MACF1: variants seen among roughly 807,000 people sequenced by gnomAD.
MACF1 encodes the protein microtubule-actin cross-linking factor 1.
In MACF1, 193 loss-of-function variants were observed where a neutral mutation model predicts 854.8. The observed-to-expected ratio is 0.23, with a 90% CI of 0.20 to 0.25. MACF1 has a LOEUF of 0.25. MACF1 is among the 10% of genes least tolerant of loss of function. The probability of loss-of-function intolerance (pLI) is 1.00; values close to 1 mark genes in which losing one functional copy is unlikely to be tolerated. For missense variants in MACF1, 7,722 were observed against 8,929.1 expected, an observed-to-expected ratio of 0.86 and a Z score of 5.45; for synonymous variants, 3,185 against 3,226.7, an observed-to-expected ratio of 0.99 and a Z score of 0.44.
chr1:39,361,451 C>T lies in MACF1; in HGVS notation c.12545C>T (p.Thr4182Ile). Residue 4182 changes from threonine to isoleucine, a missense_variant, in exon 49 of 101, where the codon ACA (threonine) becomes ATA (isoleucine). By Grantham distance (89) the Thr-to-Ile change is moderately conservative (BLOSUM62 -1). Transcript: ENST00000564288. ...TRFMETADST[T>I]AAVLQGKLAE... ...TTCATGGAGACAGCAGACAGTACTA[C>T]AGCAGCAGTGCTGCAGGGCAAACTG... is the stretch of plus-strand genomic sequence containing the variant. The T allele has an allele frequency of 3.7e-6, 6 of 1,614,196 alleles. No individual in the cohort carries two copies. The highest frequency in any genetic ancestry group is 5.1e-6 in the Non-Finnish European group (6 of 1,180,036).
chr1:39,324,047 T>A (rs1646564694), intron 33 of MACF1, 146 bp from the exon 34 acceptor site: 1 of 785,086 alleles, frequency 1.3e-6, no homozygotes, highest in African/African-American at 1.8e-5. Flanking sequence ...TAGGCTGGGC[T>A]AAATTATACT....
chr1:39,370,300 C>T lies in MACF1; in HGVS notation c.13095+114C>T. On this transcript the variant is annotated intron_variant, in intron 51 of 100. Transcript: ENST00000564288. ...ATGAGAAATCCAAGTTGTCAGTCTGCATCAGAACAGAAATTCCTACGTTTT... is the reference window on the plus strand; with the variant it reads ...ATGAGAAATCCAAGTTGTCAGTCTGTATCAGAACAGAAATTCCTACGTTTT... 3.1e-6 allele frequency: 3 copies of T among 962,574 alleles called. No individual in the cohort carries two copies. The South Asian group carries it at 5.8e-5, about 19-fold the overall frequency. 59.6% of individuals were successfully genotyped at this position (962,574 alleles called of 1,614,324 possible).
intron 58 of MACF1, among the ~76,000 whole-genome samples, chr1:39,406,019 G>A (rs1283307767): frequency 6.6e-6 from 1 of 152,062 alleles, no homozygotes; most frequent in Non-Finnish European, 1.5e-5. Flanking sequence ...TAAAAATTAA[G>A]ACATGGAGGA....
chr1:39,389,429 G>A (rs1641945951), intron 58 of MACF1, among the ~76,000 whole-genome samples: 1 of 135,354 alleles, frequency 7.4e-6, no homozygotes, highest in African/African-American at 2.8e-5. Flanking sequence ...GGGCGATCTA[G>A]GCTCACTGAA....
At chr1:39,444,436 AC>A (rs1375494010) in intron 79 of MACF1, among the ~76,000 whole-genome samples, 2 of 152,232 alleles carry the variant, frequency 1.3e-5, no homozygotes, top group Non-Finnish European at 2.9e-5. Flanking sequence ...ACATTTTAAT[AC>A]AAATGAATTC....
At chr1:39,347,285 CTG>C (rs376974716) in intron 41 of MACF1, 75 bp downstream of exon 41, 16 of 1,118,914 alleles carry the variant, frequency 1.4e-5, no homozygotes, top group Middle Eastern at 2.8e-4. Flanking sequence ...TGGCCAGACT[CTG>C]TGTATCATGA....
In MACF1 at chr1:39,106,885, G is replaced by T. The variant is rs191506265; in HGVS notation, c.220+22447G>T. Among the ~76,000 whole-genome samples, 22 of 143,634 alleles carry T rather than the reference G, an allele frequency of 1.5e-4. 2 individuals carry two copies. In the East Asian group the frequency reaches 3.1e-3, roughly 20 times the overall value. The allele number at this position is 143,634 out of a possible 152,430, so 94.2% of individuals were successfully genotyped here. A position where few individuals can be genotyped will look rare whatever the true frequency, so the allele number is the denominator to read the frequency against. On this transcript the variant is annotated intron_variant, in intron 2 of 93. Transcript: ENST00000361689. Reference sequence around the variant, plus strand: ...AAAGTAGAGATGAAATGCGAAAAAAGACCTACTAGGGTTTTTGCTTGTTCC... The same window carrying T: ...AAAGTAGAGATGAAATGCGAAAAAATACCTACTAGGGTTTTTGCTTGTTCC...
chr1:39,194,520 A>G (rs569361826), intron 2 of MACF1, among the ~76,000 whole-genome samples: 3 of 150,286 alleles, frequency 2.0e-5, no homozygotes, highest in Admixed American at 1.3e-4. Context: ...TGCCCGGCTA[A>G]TTTTTGTAAT....
At chr1:39,394,664 A>G (rs1642202955) in intron 58 of MACF1, among the ~76,000 whole-genome samples, 1 of 152,210 alleles carries the variant, frequency 6.6e-6, no homozygotes, top group Admixed American at 6.5e-5. Context: ...AGGGCCCAGC[A>G]TGGAGTTGAA....
intron 40 of MACF1, among the ~76,000 whole-genome samples, chr1:39,342,241 A>G (rs971857333): frequency 1.3e-5 from 2 of 152,038 alleles, no homozygotes; most frequent in Non-Finnish European, 2.9e-5. Context: ...GTTCTTTCTT[A>G]TGGCTGGATA....
chr1:39,388,459 A>C lies in MACF1; in HGVS notation c.15617A>C (p.Asn5206Thr), dbSNP rs529016471. Residue 5206 changes from asparagine to threonine, a missense_variant, in exon 58 of 101, where the codon AAC (asparagine) becomes ACC (threonine). By Grantham distance (65) the Asn-to-Thr change is moderately conservative. Coordinates refer to ENST00000564288, the MANE Select transcript of MACF1 (RefSeq NM_001394062.1). ...LGLKRELEAL[N>T]KQCGKLTERG... ...CTCAAAAGGGAGCTAGAAGCCCTGA[A>C]CAAACAGTGTGGCAAACTGACAGAG... The C allele has an allele frequency of 1.6e-5, 26 of 1,614,176 alleles. No individual in the cohort carries two copies. In the Admixed American group the frequency reaches 4.3e-4, roughly 27 times the overall value.
chr1:39,116,784 TAGAG>T (rs1642558247), intron 2 of MACF1, among the ~76,000 whole-genome samples: 3 of 152,336 alleles, frequency 2.0e-5, no homozygotes, highest in East Asian at 1.9e-4. Context: ...ACTCTTGACA[TAGAG>T]AGAGGCTTTC....
intron 40 of MACF1, among the ~76,000 whole-genome samples, chr1:39,345,481 C>T (rs1647023971): frequency 6.6e-6 from 1 of 151,758 alleles, no homozygotes; most frequent in African/African-American, 2.4e-5. Context: ...CATGGTGGTG[C>T]ACACGTGTGG....
Position 39,393,194 on chromosome 1 carries a change from A to ATAT in MACF1, c.15816+4536_15816+4537insTAT, listed in dbSNP as rs1354096240. 6.6e-3 allele frequency among the ~76,000 whole-genome samples: 525 copies of ATAT among 79,064 alleles called. 2 individuals carry two copies. The highest frequency in any genetic ancestry group is 7.8e-3 in the East Asian group (20 of 2,580). The allele number at this position is 79,064 out of a possible 152,430, so 51.9% of individuals were successfully genotyped here. ...TCCTGGGAAGGGTAAAAAAAAAAAAAAAATATATATATATATATATATATA... is the reference window on the plus strand; with the variant it reads ...TCCTGGGAAGGGTAAAAAAAAAAAAATATAAATATATATATATATATATATATA... On this transcript the variant is annotated intron_variant, in intron 58 of 100. Coordinates refer to ENST00000564288, the MANE Select transcript of MACF1 (RefSeq NM_001394062.1).
chr1:39,320,406 G>T (rs757765744), intron 31 of MACF1, among the ~76,000 whole-genome samples: 21 of 152,156 alleles, frequency 1.4e-4, no homozygotes, highest in Non-Finnish European at 2.6e-4. Flanking sequence ...TTTTCTGCAT[G>T]CCAAAAAGAG....
chr1:39,422,321 TAG>T, intron 58 of MACF1, 51 bp from the exon 59 acceptor site: 1 of 1,455,610 alleles, frequency 6.9e-7, no homozygotes, highest in Non-Finnish European at 9.6e-7. Flanking sequence ...CTGCGTGGTA[TAG>T]AGAGTCTAAT....
Position 39,379,290 on chromosome 1 carries a change from T to C in MACF1, c.13364T>C (p.Leu4455Pro). 1 of 1,613,672 alleles carries C rather than the reference T, an allele frequency of 6.2e-7. No homozygotes were observed. The highest frequency in any genetic ancestry group is 8.5e-7 in the Non-Finnish European group (1 of 1,179,852). ...GTACTTCATGAACGCCAGGAAAGCC[T>C]TCAGGCTATCCTCAACAGAATGGAG... ...GGVLHERQESLQAILNRMEEV... is the reference protein window; with the variant it reads ...GGVLHERQESPQAILNRMEEV... Residue 4455 changes from leucine to proline, a missense_variant, in exon 54 of 101, where the codon CTT (leucine) becomes CCT (proline). Coordinates refer to ENST00000564288, the MANE Select transcript of MACF1 (RefSeq NM_001394062.1).
intron 88 of MACF1, among the ~76,000 whole-genome samples, chr1:39,454,177 A>G (rs1021721529): frequency 6.6e-6 from 1 of 152,204 alleles, no homozygotes; most frequent in African/African-American, 2.4e-5. Flanking sequence ...ATATGCGGTT[A>G]TTGTTCAGTA....
In MACF1 at chr1:39,332,240, G is replaced by T; in HGVS notation, c.5652G>T (p.Gln1884His). 1.2e-6 allele frequency: 2 copies of T among 1,613,968 alleles called. No individual in the cohort carries two copies. Among genetic ancestry groups the T allele is most frequent in the Non-Finnish European group, 1.7e-6 (2 of 1,180,024 alleles). ...ELAHKILSNR[Q>H]HIKALFLPAT... ...CACATAAAATCCTTAGTAACCGACA[G>T]CATATTAAGGCTCTGTTTCTACCAG... Residue 1884 changes from glutamine to histidine, a missense_variant, in exon 37 of 101, where the codon CAG (glutamine) becomes CAT (histidine). Physicochemically the swap from Gln to His is conservative, Grantham distance 24. Around this residue, in one of 15 missense-constraint regions of MACF1, gnomAD observed 1,531 missense variants for 1,601.6 expected, o/e 0.96. Transcript: ENST00000564288.
Sources: gnomAD v4.1 joint callset for allele counts (sites outside exome capture counted in the v4.1 genomes callset) on GRCh38, gnomAD v4.1.1 for gene constraint, gnomAD v4.1.1 regional missense constraint, MANE v1.5 for transcripts, NCBI Gene and HGNC (gene_info 2026-07-23, HGNC 2026-07-21) for gene names.